The following SYTL3 variants were observed in gnomAD, a reference collection of about 807,000 sequenced individuals.
SYTL3 encodes synaptotagmin like 3.
In SYTL3, 88 loss-of-function variants were observed where a neutral mutation model predicts 82.1. The observed-to-expected ratio is 1.07, with a 90% CI of 0.90 to 1.28. SYTL3 has a LOEUF of 1.28. SYTL3 is among the 50% of genes most tolerant of loss of function. The pLI is 0.00. For missense variants in SYTL3, 831 were observed against 757.6 expected (o/e 1.10, Z -1.14); for synonymous variants, 311 against 289.4 (o/e 1.07, Z -0.76).
At chr6:158,693,855 C>CTTTTCTTTTCTTTTCTTTTTTTTTTTTTT (rs71030191) in intron 6 of SYTL3, among the ~76,000 whole-genome samples, 3 of 96,866 alleles carry the variant, frequency 3.1e-5, no homozygotes, top group African/African-American at 1.6e-4. Context: ...TTTTTCTTTT[C>CTTTTCTTTTCTTTTCTTTTTTTTTTTTTT]TTTTTTTTTT....
intron 13 of SYTL3, among the ~76,000 whole-genome samples, chr6:158,753,897 A>G (rs1212570179): frequency 3.9e-5 from 6 of 151,908 alleles, no homozygotes; most frequent in African/African-American, 1.5e-4. Flanking sequence ...CAATTAAAAT[A>G]ATCGGCATCT....
chr6:158,695,372 A>G (rs1172495148), intron 6 of SYTL3, among the ~76,000 whole-genome samples: 3 of 150,870 alleles, frequency 2.0e-5, no homozygotes, highest in Non-Finnish European at 4.4e-5. Context: ...ATGTGTTCAT[A>G]TGTTTAGACA....
intron 5 of SYTL3, among the ~76,000 whole-genome samples, chr6:158,668,047 T>A (rs1790293359): frequency 6.6e-6 from 1 of 152,162 alleles, no homozygotes; most frequent in African/African-American, 2.4e-5. Context: ...AGCTACTACT[T>A]TCATCCTCAT....
In SYTL3 at chr6:158,745,535, C is replaced by T. The variant is rs769084425; in HGVS notation, c.911C>T (p.Ala304Val). Residue 304 changes from alanine to valine, a missense_variant, in exon 12 of 18, where the codon GCT becomes GTT. Physicochemically the swap from Ala to Val is moderately conservative, Grantham distance 64. Transcript: ENST00000611299. ...TCTEMGNFDN[A>V]NVTGEIEFAI... ...ACAGAGATGGGCAATTTTGACAATG[C>T]TAATGTCACTGGAGAAATAGAATTT... 61 of 1,613,446 alleles carry T rather than the reference C, an allele frequency of 3.8e-5. No homozygotes were observed. The highest frequency in any genetic ancestry group is 6.7e-5 in the Admixed American group (4 of 59,916).
At chr6:158,728,365 T>C (rs556632217) in intron 11 of SYTL3, among the ~76,000 whole-genome samples, 15 of 152,128 alleles carry the variant, frequency 9.9e-5, no homozygotes, top group Non-Finnish European at 1.5e-4. Context: ...AAAAAGACTG[T>C]TGTATCCCAC....
At chr6:158,719,645 C>T (rs1373542978) in intron 10 of SYTL3, among the ~76,000 whole-genome samples, 1 of 152,222 alleles carries the variant, frequency 6.6e-6, no homozygotes, top group Admixed American at 6.5e-5. Flanking sequence ...CGAACTCCCT[C>T]CGGGGATCAC....
chr6:158,684,401 G>T (rs1779067936), intron 6 of SYTL3, among the ~76,000 whole-genome samples: 1 of 152,312 alleles, frequency 6.6e-6, no homozygotes, highest in East Asian at 1.9e-4. Flanking sequence ...GTAATTGGTA[G>T]CTGGGACCTG....
intron 5 of SYTL3, among the ~76,000 whole-genome samples, chr6:158,672,017 G>GT (rs1452608680): frequency 6.6e-6 from 1 of 152,010 alleles, no homozygotes; most frequent in Non-Finnish European, 1.5e-5. Context: ...TCCTTAAGAA[G>GT]TTTTTCCTCA....
chr6:158,663,333 T>C lies in SYTL3; in HGVS notation c.65T>C (p.Leu22Pro). The change falls in exon 4 of 18, where the codon CTG becomes CCG. Residue 22 changes from leucine to proline, a missense_variant. Transcript: ENST00000611299. ...ELEREAILQV[L>P]YRDQAVQNTE... ...GAACGCGAGGCCATTCTCCAGGTCC[T>C]GTACCGAGACCAGGCGGTTCAAAAC... 3 of 1,614,092 alleles carry C rather than the reference T, an allele frequency of 1.9e-6. No individual in the cohort carries two copies. Among genetic ancestry groups the C allele is most frequent in the Non-Finnish European group, 2.5e-6 (3 of 1,180,022 alleles).
In SYTL3 at chr6:158,682,928, T is replaced by G. The variant is rs1314897283; in HGVS notation, c.333T>G (p.Asn111Lys). 3 of 1,612,756 alleles carry G rather than the reference T, an allele frequency of 1.9e-6. No homozygotes were observed. The change falls in exon 6 of 18, where the codon AAT (asparagine) becomes AAG (lysine). Residue 111 changes from asparagine to lysine, a missense_variant. Asn to Lys is a moderately conservative substitution (Grantham distance 94). Coordinates refer to ENST00000611299, the MANE Select transcript of SYTL3 (RefSeq NM_001242394.2). ...WKCTVCFEDR[N>K]VKIKTGEWFY... ...TCCTTTCTGCTCATTTTTTCAGGAATGTCAAAATAAAAACTGGAGAATGGT... is the reference window on the plus strand; with the variant it reads ...TCCTTTCTGCTCATTTTTTCAGGAAGGTCAAAATAAAAACTGGAGAATGGT...
Position 158,713,896 on chromosome 6 carries a change from G to C in SYTL3, c.595+18G>C. On this transcript the variant is annotated intron_variant, in intron 9 of 17. Coordinates refer to ENST00000611299, the MANE Select transcript of SYTL3 (RefSeq NM_001242394.2). ...CGTGAAAAGTAAGTGCATGCTTCAT[G>C]ATGTGTTTTCCCACTACCTTCCAGG... is the stretch of plus-strand genomic sequence containing the variant. The C allele has an allele frequency of 6.5e-7, 1 of 1,539,518 alleles. No individual in the cohort carries two copies. Among genetic ancestry groups the C allele is most frequent in the Non-Finnish European group, 8.8e-7 (1 of 1,136,652 alleles).
chr6:158,665,123 C>T (rs1165206966), intron 4 of SYTL3, among the ~76,000 whole-genome samples: 1 of 152,164 alleles, frequency 6.6e-6, no homozygotes, highest in Non-Finnish European at 1.5e-5. Flanking sequence ...GCTTCTCTGC[C>T]CCAGGCATGT....
chr6:158,682,637 G>T (rs532619191), intron 5 of SYTL3, among the ~76,000 whole-genome samples: 1 of 152,294 alleles, frequency 6.6e-6, no homozygotes, highest in African/African-American at 2.4e-5. Context: ...GGGATTACAG[G>T]CATGAGCCAC....
intron 15 of SYTL3, among the ~76,000 whole-genome samples, chr6:158,761,564 T>C (rs1424515856): frequency 2.0e-5 from 3 of 152,056 alleles, no homozygotes; most frequent in Admixed American, 1.3e-4. Context: ...CACCTTGGCC[T>C]CCCAAAGTGC....
intron 14 of SYTL3, among the ~76,000 whole-genome samples, chr6:158,760,180 CCT>C (rs1789718861): frequency 6.6e-6 from 1 of 152,092 alleles, no homozygotes. Flanking sequence ...GGGGCCACCC[CCT>C]GTGGCTCTGG....
At chr6:158,762,312 C>A in intron 16 of SYTL3, 134 bp downstream of exon 16, 1 of 658,104 alleles carries the variant, frequency 1.5e-6, no homozygotes, top group East Asian at 2.8e-5. Flanking sequence ...GAAAATCTAA[C>A]AACACATATT....
At chr6:158,744,892 T>C (rs1263701545) in intron 11 of SYTL3, among the ~76,000 whole-genome samples, 1 of 152,220 alleles carries the variant, frequency 6.6e-6, no homozygotes, top group African/African-American at 2.4e-5. Flanking sequence ...GATGATAGTT[T>C]TATTTTTCAT....
rs552766560 is a variant in SYTL3, at chr6:158,701,200, GT to G, written c.395-6029del. Among the ~76,000 whole-genome samples, 453 of 125,740 alleles carry G rather than the reference GT, an allele frequency of 3.6e-3. 13 individuals carry two copies. Among genetic ancestry groups the G allele is most frequent in the African/African-American group, 0.014 (398 of 27,950 alleles). 82.5% of individuals were successfully genotyped at this position (125,740 alleles called of 152,430 possible). A position where few individuals can be genotyped will look rare whatever the true frequency, so the allele number is the denominator to read the frequency against. On this transcript the variant is annotated intron_variant, in intron 6 of 17. Coordinates refer to ENST00000611299, the MANE Select transcript of SYTL3 (RefSeq NM_001242394.2). ...GGTGAGCTGGGGTGTAGATGAAGGA[GT>G]GTGAGCTGGGGTGTAGATGAAGGAG...
intron 8 of SYTL3, among the ~76,000 whole-genome samples, chr6:158,709,593 C>T (rs1313561919): frequency 1.3e-5 from 2 of 151,962 alleles, no homozygotes; most frequent in South Asian, 2.1e-4. Context: ...CCGTAAAGTG[C>T]CATGGAAATA....
Sources: allele counts gnomAD v4.1 joint callset (sites outside exome capture counted in the v4.1 genomes callset), GRCh38; gene constraint gnomAD v4.1.1; transcripts MANE v1.5; gene names NCBI Gene and HGNC (gene_info 2026-07-23, HGNC 2026-07-21).